CTNNA3: variants seen among roughly 807,000 people sequenced by gnomAD.
CTNNA3 encodes the protein catenin alpha-3.
In CTNNA3, 76 loss-of-function variants were observed where a neutral mutation model predicts 95.7. The ratio of observed to expected loss-of-function variants is 0.79; its 90% CI spans 0.66 to 0.96. The LOEUF is 0.96. Among genes scored for constraint, CTNNA3 ranks in the 40% least tolerant of loss-of-function variants. The pLI, the probability that CTNNA3 is intolerant of heterozygous loss-of-function variation, is 0.00. For missense variants in CTNNA3, 1,191 were observed against 1,089.8 expected (o/e 1.09, Z -1.31); for synonymous variants, 431 against 374.4 (o/e 1.15, Z -1.74).
At chr10:67,159,961 T>A (rs559655168) in intron 7 of CTNNA3, among the ~76,000 whole-genome samples, 6 of 152,156 alleles carry the variant, frequency 3.9e-5, no homozygotes, top group Non-Finnish European at 8.8e-5. Flanking sequence ...CATTTGCAAA[T>A]CATACATCTA....
chr10:67,653,825 C>T (rs1839944753), intron 1 of CTNNA3, among the ~76,000 whole-genome samples: 1 of 152,142 alleles, frequency 6.6e-6, no homozygotes, highest in Non-Finnish European at 1.5e-5. Flanking sequence ...ATGATGCACC[C>T]ACCCAGAGCC....
At chr10:67,604,676 T>C (rs908403882) in intron 3 of CTNNA3, among the ~76,000 whole-genome samples, 4 of 152,156 alleles carry the variant, frequency 2.6e-5, no homozygotes, top group South Asian at 4.1e-4. Context: ...AACCTGCATA[T>C]GTACCCTGAA....
intron 7 of CTNNA3, among the ~76,000 whole-genome samples, chr10:67,017,730 TG>T (rs1394256450): frequency 1.8e-5 from 2 of 112,336 alleles, no homozygotes; most frequent in African/African-American, 6.7e-5. Flanking sequence ...ATCATCTGTG[TG>T]TGTGTGTGTG....
chr10:66,452,209 T>C (rs1447462868), intron 11 of CTNNA3, among the ~76,000 whole-genome samples: 1 of 152,240 alleles, frequency 6.6e-6, no homozygotes, highest in East Asian at 1.9e-4. Flanking sequence ...TTATGTGCAA[T>C]TGGCATTCTT....
rs530429940 is a variant in CTNNA3 at position 67,541,170 on chromosome 10, C to T, written c.293-1501G>A. ...ACAAGTTTAGCTTTAGGATAAATTC[C>T]TAAAAGTAGAATTCCTGAGTCAAGG... On this transcript the variant is annotated intron_variant, in intron 3 of 17. Transcript: ENST00000433211. 2.6e-5 allele frequency among the ~76,000 whole-genome samples: 4 copies of T among 151,796 alleles called. No individual in the cohort carries two copies. The South Asian group carries it at 8.3e-4, about 31-fold the overall frequency.
intron 10 of CTNNA3, among the ~76,000 whole-genome samples, chr10:66,542,079 G>T (rs553412240): frequency 6.6e-6 from 1 of 152,068 alleles, no homozygotes; most frequent in South Asian, 2.1e-4. Flanking sequence ...ATGGGCAAAG[G>T]ACATGAACAG....
chr10:66,911,915 C>T (rs1390839865), intron 7 of CTNNA3, among the ~76,000 whole-genome samples: 1 of 152,118 alleles, frequency 6.6e-6, no homozygotes, highest in Non-Finnish European at 1.5e-5. Context: ...ACATGTTTAA[C>T]TGTTTTGGTT....
At chr10:67,506,442 TA>T (rs1364707350) in intron 5 of CTNNA3, among the ~76,000 whole-genome samples, 1 of 152,012 alleles carries the variant, frequency 6.6e-6, no homozygotes, top group Admixed American at 6.6e-5. Context: ...AAGTACGCCT[TA>T]AAAAAAATAA....
At chr10:66,491,506 A>G (rs1251269202) in intron 11 of CTNNA3, among the ~76,000 whole-genome samples, 1 of 152,164 alleles carries the variant, frequency 6.6e-6, no homozygotes, top group Non-Finnish European at 1.5e-5. Context: ...TGACCATTTT[A>G]TTTTTAAAAT....
chr10:67,360,416 GAAAAAAAAA>G (rs74859730), intron 5 of CTNNA3, among the ~76,000 whole-genome samples: 1 of 99,302 alleles, frequency 1.0e-5, no homozygotes, highest in African/African-American at 3.7e-5. Context: ...GAGCAAGCAG[GAAAAAAAAA>G]AAAAAAAAAC....
At chr10:67,724,138 A>G (rs1841195396) in intron 1 of CTNNA3, among the ~76,000 whole-genome samples, 1 of 151,862 alleles carries the variant, frequency 6.6e-6, no homozygotes, top group Non-Finnish European at 1.5e-5. Context: ...CCAGTCCCTC[A>G]CCCCTGCTCC....
chr10:67,116,996 G>T (rs186247257), intron 7 of CTNNA3, among the ~76,000 whole-genome samples: 87 of 151,682 alleles, frequency 5.7e-4, no homozygotes, highest in African/African-American at 1.9e-3. Context: ...ATAGCTGATG[G>T]TGTAAAAGAG....
At chr10:67,423,181 A>G (rs990751599) in intron 5 of CTNNA3, among the ~76,000 whole-genome samples, 4 of 151,734 alleles carry the variant, frequency 2.6e-5, no homozygotes, top group Non-Finnish European at 4.4e-5. Flanking sequence ...AGGAAACAGC[A>G]CCTCTCTCCT....
intron 12 of CTNNA3, among the ~76,000 whole-genome samples, chr10:66,311,460 G>A (rs1055477395): frequency 1.3e-5 from 2 of 152,158 alleles, no homozygotes; most frequent in Non-Finnish European, 2.9e-5. Context: ...GGAATCAGAA[G>A]GTGGAACCAT....
intron 1 of CTNNA3, among the ~76,000 whole-genome samples, chr10:67,724,161 C>T (rs537027593): frequency 3.9e-5 from 6 of 152,270 alleles, no homozygotes; most frequent in Non-Finnish European, 7.3e-5. Flanking sequence ...GGTGTTACCA[C>T]CCAGATGAAC....
chr10:67,006,252 T>C (rs545384360), intron 7 of CTNNA3, among the ~76,000 whole-genome samples: 1 of 152,220 alleles, frequency 6.6e-6, no homozygotes, highest in South Asian at 2.1e-4. Flanking sequence ...TCCAAAGCTG[T>C]ACTCTCTTCT....
At chr10:67,480,057 A>G (rs1848160584) in intron 5 of CTNNA3, among the ~76,000 whole-genome samples, 1 of 152,040 alleles carries the variant, frequency 6.6e-6, no homozygotes, top group Admixed American at 6.6e-5. Context: ...CCCTGGACAG[A>G]CCAATAACAA....
chr10:67,542,219 C>T (rs1840704449), intron 3 of CTNNA3, among the ~76,000 whole-genome samples: 1 of 152,082 alleles, frequency 6.6e-6, no homozygotes, highest in African/African-American at 2.4e-5. Context: ...TTTCAGCCCA[C>T]ACTCTGGTCC....
chr10:67,219,795 G>C lies in CTNNA3; in HGVS notation c.655C>G (p.His219Asp). The C allele has an allele frequency of 6.2e-7, 1 of 1,614,046 alleles. No homozygotes were observed. The highest frequency in any genetic ancestry group is 1.3e-5 in the African/African-American group (1 of 75,042). ...TCCAAACAAGCTGAACAAATTGAAT[G>C]CAAGAGGGGAGAGTTCTCCTTCAGT... Reference protein sequence around the residue: ...ASLKENSPLLHSICSACLEHS... With the variant: ...ASLKENSPLLDSICSACLEHS... The change falls in exon 6 of 18, where the codon CAT (histidine) becomes GAT (aspartate). Residue 219 changes from histidine (H) to aspartate (D), a missense_variant. His to Asp is a moderately conservative substitution (Grantham distance 81). Transcript: ENST00000433211.
Sources: gnomAD v4.1 joint callset for allele counts (sites outside exome capture counted in the v4.1 genomes callset) on GRCh38, gnomAD v4.1.1 for gene constraint, MANE v1.5 for transcripts, NCBI Gene and HGNC (gene_info 2026-07-23, HGNC 2026-07-21) for gene names.